Variants in EPB41L1 observed in about 807,000 individuals in gnomAD.
EPB41L1 encodes band 4.1-like protein 1.
Under a neutral mutation model 97.8 loss-of-function variants are expected in EPB41L1, and 29 were observed. The ratio of observed to expected loss-of-function variants is 0.30; its 90% CI spans 0.22 to 0.40. EPB41L1 has a LOEUF of 0.40. EPB41L1 is among the 10% of genes least tolerant of loss of function. The probability of loss-of-function intolerance (pLI) is 1.00; values close to 1 mark genes in which losing one functional copy is unlikely to be tolerated. For missense variants in EPB41L1, 812 were observed against 1,162.3 expected, an observed-to-expected ratio of 0.70 and a Z score of 4.38; for synonymous variants, 383 against 459.2, an observed-to-expected ratio of 0.83 and a Z score of 2.12.
chr20:36,101,015 T>C (rs946924463), intron 1 of EPB41L1, among the ~76,000 whole-genome samples: 21 of 152,228 alleles, frequency 1.4e-4, no homozygotes, highest in African/African-American at 4.3e-4. Flanking sequence ...TTTTTCCTAG[T>C]TATTGTTTTG....
intron 21 of EPB41L1, among the ~76,000 whole-genome samples, chr20:36,224,928 T>G (rs534071028): frequency 1.3e-5 from 2 of 152,304 alleles, no homozygotes; most frequent in South Asian, 4.1e-4. Flanking sequence ...TTCAAGTGAT[T>G]CTCGTGCCTC....
At chr20:36,196,583 T>G (rs1057199356) in intron 13 of EPB41L1, among the ~76,000 whole-genome samples, 2 of 152,190 alleles carry the variant, frequency 1.3e-5, no homozygotes, top group African/African-American at 4.8e-5. Flanking sequence ...TGGGATTGGT[T>G]TCCTTCCTGA....
chr20:36,219,777 T>C lies in EPB41L1; in HGVS notation c.2372T>C (p.Val791Ala), dbSNP rs1202598394. 1 of 1,614,064 alleles carries C rather than the reference T, an allele frequency of 6.2e-7. No individual in the cohort carries two copies. The change falls in exon 19 of 22, where the codon GTC (valine) becomes GCC (alanine). Residue 791 changes from valine (V) to alanine (A), a missense_variant. By Grantham distance (64) the Val-to-Ala change is moderately conservative (BLOSUM62 0). Around this residue, in one of 3 missense-constraint regions of EPB41L1, gnomAD observed 498 missense variants for 622.7 expected, o/e 0.80. Transcript: ENST00000338074. Reference sequence around the variant, plus strand: ...ATTCTGCAGATCATCGGGAAAGATGTCCTCACCAGCACCTACGGCGCCACT... The same window carrying C: ...ATTCTGCAGATCATCGGGAAAGATGCCCTCACCAGCACCTACGGCGCCACT... The part of the protein sequence containing the change: ...RSLSPIIGKD[V>A]LTSTYGATAE...
intron 2 of EPB41L1, among the ~76,000 whole-genome samples, chr20:36,124,263 A>G (rs1016092005): frequency 6.6e-6 from 1 of 152,106 alleles, no homozygotes; most frequent in African/African-American, 2.4e-5. Flanking sequence ...TCAAAAAAAC[A>G]AAACAAAACA....
chr20:36,112,638 G>A (rs1328394761), intron 2 of EPB41L1, among the ~76,000 whole-genome samples: 2 of 152,216 alleles, frequency 1.3e-5, no homozygotes, highest in Non-Finnish European at 2.9e-5. Context: ...GAAAACGGGG[G>A]CCATGCTGGG....
chr20:36,149,954 C>G (rs2059982610), upstream of EPB41L1: 1 of 152,140 alleles, frequency 6.6e-6, no homozygotes, highest in Non-Finnish European at 1.5e-5. Flanking sequence ...CACGTGCAAG[C>G]CACACGCAAT....
At chr20:36,096,217 C>A (rs2057826610) in intron 1 of EPB41L1, among the ~76,000 whole-genome samples, 1 of 152,104 alleles carries the variant, frequency 6.6e-6, no homozygotes, top group African/African-American at 2.4e-5. Flanking sequence ...GGAAAGCCTC[C>A]CCTGTCCCTC....
intron 1 of EPB41L1, among the ~76,000 whole-genome samples, chr20:36,169,739 C>T (rs757042454): frequency 3.9e-5 from 6 of 152,212 alleles, no homozygotes; most frequent in Non-Finnish European, 5.9e-5. Context: ...ACACCTAATT[C>T]CACCTTCACC....
In EPB41L1 at chr20:36,212,142, A is replaced by C. The variant is rs894494040; in HGVS notation, c.2080-130A>C. On this transcript the variant is annotated intron_variant, in intron 15 of 21. Transcript: ENST00000338074. This position sits in a 1 kb window ranked among gnomAD's most constrained non-coding sequence, Gnocchi z 4.8. ...ACCACAACTCTTTTACCCTGTCCAG[A>C]GTACCCTTCCAGAGATGTGGCCAGC... 1.2e-6 allele frequency: 1 copy of C among 857,904 alleles called. No individual in the cohort carries two copies. Among genetic ancestry groups the C allele is most frequent in the Non-Finnish European group, 1.9e-6 (1 of 515,976 alleles). The allele number at this position is 857,904 out of a possible 1,614,324, so 53.1% of individuals were successfully genotyped here. A position where few individuals can be genotyped will look rare whatever the true frequency, so the allele number is the denominator to read the frequency against.
intron 18 of EPB41L1, 29 bp downstream of exon 18, chr20:36,218,991 G>C: frequency 6.2e-7 from 1 of 1,608,448 alleles, no homozygotes; most frequent in Non-Finnish European, 8.5e-7. Context: ...CTCAGGCTAG[G>C]GGACTCCACA....
rs1055034173 is a variant in EPB41L1, at chr20:36,194,274, C to A, written c.1363C>A (p.Arg455=). The A allele has an allele frequency of 3.1e-6, 5 of 1,614,080 alleles. No individual in the cohort carries two copies. Among genetic ancestry groups the A allele is most frequent in the Non-Finnish European group, 4.2e-6 (5 of 1,180,010 alleles). The change falls in exon 12 of 22, where the codon CGG becomes AGG. Residue 455 remains arginine, a synonymous_variant. Coordinates refer to ENST00000338074, the MANE Select transcript of EPB41L1 (RefSeq NM_012156.2). ...NHDAGPDGDK[R]DEDGESGGQR... ...TGATGCAGGGCCTGACGGTGACAAG[C>A]GGGATGAGGATGGCGAGTCTGGGGG...
At chr20:36,107,904 G>A (rs1047793877) in intron 1 of EPB41L1, among the ~76,000 whole-genome samples, 22 of 151,980 alleles carry the variant, frequency 1.4e-4, no homozygotes, top group Middle Eastern at 3.4e-3. Context: ...AAGATGTGTT[G>A]TAAGTATAAA....
chr20:36,231,827 C>G lies in EPB41L1; in HGVS notation c.*2487C>G, dbSNP rs748643449. 6.5e-6 allele frequency: 1 copy of G among 152,776 alleles called. No individual in the cohort carries two copies. The highest frequency in any genetic ancestry group is 1.5e-5 in the Non-Finnish European group (1 of 68,140). The allele number at this position is 152,776 out of a possible 1,614,324, so 9.5% of individuals were successfully genotyped here. ...GTGGAAAAGCCACAGAACCTTCTTC[C>G]TGCCCTTCTTGAGAGTTCCCCCTCT... is the stretch of plus-strand genomic sequence containing the variant. On this transcript the variant is annotated 3_prime_UTR_variant, in exon 22 of 22. Coordinates refer to ENST00000338074, the MANE Select transcript of EPB41L1 (RefSeq NM_012156.2).
At chr20:36,105,690 C>T (rs1041089506) in intron 1 of EPB41L1, among the ~76,000 whole-genome samples, 1 of 152,156 alleles carries the variant, frequency 6.6e-6, no homozygotes, top group Non-Finnish European at 1.5e-5. Context: ...ATGAGCCCCT[C>T]CCTCTTCTCA....
chr20:36,214,478 C>A, intron 17 of EPB41L1, 38 bp downstream of exon 17: 1 of 1,538,750 alleles, frequency 6.5e-7, no homozygotes, highest in Non-Finnish European at 8.9e-7. Context: ...TCTGACCAGC[C>A]CCCTGCCCCA....
rs569194520 is a variant in EPB41L1, at chr20:36,098,545, G to A, written c.-65+6933G>A. ...CAGCTGCATCTGCCTCTGTCGTCAC[G>A]TGGCTTTCTCTCTGTTTCATTTCCT... On this transcript the variant is annotated intron_variant, in intron 1 of 19. Coordinates refer to the EPB41L1 transcript ENST00000202028. Among the ~76,000 whole-genome samples the A allele has an allele frequency of 3.4e-3, 522 of 152,254 alleles. 4 individuals carry two copies. Among genetic ancestry groups the A allele is most frequent in the Non-Finnish European group, 5.2e-3 (353 of 68,026 alleles).
chr20:36,209,099 C>T lies in EPB41L1; in HGVS notation c.1669-389C>T, dbSNP rs1480113747. On this transcript the variant is annotated intron_variant, in intron 14 of 21. Transcript: ENST00000338074. The surrounding 1 kb of genome is among the most constrained non-coding windows in gnomAD (Gnocchi z 4.2). ...TCCCTCCTTAGTTTCTGTTTCTCAA[C>T]GCCCACCTGCACGGATGGGCCTGGG... 1.3e-5 allele frequency among the ~76,000 whole-genome samples: 2 copies of T among 152,194 alleles called. No homozygotes were observed. Among genetic ancestry groups the T allele is most frequent in the Admixed American group, 6.5e-5 (1 of 15,282 alleles).
intron 5 of EPB41L1, among the ~76,000 whole-genome samples, chr20:36,179,538 GAA>G (rs374882202): frequency 6.6e-6 from 1 of 152,260 alleles, no homozygotes; most frequent in African/African-American, 2.4e-5. Flanking sequence ...CCCAGAGAGA[GAA>G]AGCATGTCGG....
chr20:36,165,233 CG>C (rs2145729632), intron 1 of EPB41L1, among the ~76,000 whole-genome samples: 1 of 152,068 alleles, frequency 6.6e-6, no homozygotes, highest in African/African-American at 2.4e-5. Flanking sequence ...TTGCCTGCCT[CG>C]GCCTCCCAAA....
Sources: gnomAD v4.1 joint callset for allele counts (sites outside exome capture counted in the v4.1 genomes callset) on GRCh38, gnomAD v4.1.1 for gene constraint, gnomAD v4.1.1 regional missense constraint, Gnocchi (gnomAD v3.1) non-coding constraint, MANE v1.5 for transcripts, NCBI Gene and HGNC (gene_info 2026-07-23, HGNC 2026-07-21) for gene names.